The following ANKRD30BL variants were observed in gnomAD, a reference collection of about 807,000 sequenced individuals.
ANKRD30BL encodes ankyrin repeat domain 30B like, also known as putative ankyrin repeat domain-containing protein 30B-like.
In ANKRD30BL, 20 loss-of-function variants were observed where a neutral mutation model predicts 18.4. The ratio of observed to expected loss-of-function variants is 1.09; its 90% CI spans 0.77 to 1.58. The LOEUF (loss-of-function observed/expected upper bound fraction) is 1.58, where lower values mean the gene tolerates loss of function less well. Among genes scored for constraint, ANKRD30BL ranks in the 40% most tolerant of loss-of-function variants. ANKRD30BL has a pLI of 0.00. For missense variants in ANKRD30BL, 224 were observed against 268.6 expected (o/e 0.83, Z 1.16); for synonymous variants, 72 against 100.9 (o/e 0.71, Z 1.72).
chr2:132,165,097 A>C (rs183719520), upstream of ANKRD30BL, among the ~76,000 whole-genome samples: 1,021 of 152,096 alleles, frequency 6.7e-3, 12 homozygotes, highest in African/African-American at 0.023. Context: ...ACAAAAAAAA[A>C]CGCAAATGCA....
intron 1 of ANKRD30BL, 98 bp downstream of exon 1, chr2:132,161,390 C>T (rs1335977745): frequency 5.1e-6 from 6 of 1,186,570 alleles, no homozygotes; most frequent in Non-Finnish European, 7.1e-6. Flanking sequence ...TCCACCTGCT[C>T]CCCTCGTCCC....
intron 1 of ANKRD30BL, among the ~76,000 whole-genome samples, chr2:132,221,664 G>A (rs1462333164): frequency 8.4e-5 from 10 of 118,628 alleles, no homozygotes; most frequent in South Asian, 2.7e-4. Flanking sequence ...CCCCCCGCCC[G>A]GCCAGCCGCC....
At chr2:132,201,436 A>G (rs1057266103) in intron 1 of ANKRD30BL, among the ~76,000 whole-genome samples, 1 of 152,206 alleles carries the variant, frequency 6.6e-6, no homozygotes, top group African/African-American at 2.4e-5. Flanking sequence ...AATGAACTCA[A>G]ACAAATTTAC....
chr2:132,239,632 G>C (rs1680254824), intron 1 of ANKRD30BL, among the ~76,000 whole-genome samples: 1 of 151,658 alleles, frequency 6.6e-6, no homozygotes, highest in Admixed American at 6.6e-5. Context: ...TTAGAAACGG[G>C]ATTATCTTCA....
At chr2:132,172,583 T>C (rs575835007) in intron 1 of ANKRD30BL, among the ~76,000 whole-genome samples, 2 of 152,328 alleles carry the variant, frequency 1.3e-5, no homozygotes, top group African/African-American at 4.8e-5. Context: ...TTTATTATTG[T>C]TGTTGAGTTG....
chr2:132,195,788 CAAAAAAAAAAA>C (rs1205804103), intron 1 of ANKRD30BL, among the ~76,000 whole-genome samples: 6,785 of 49,024 alleles, frequency 0.14, 704 homozygotes, highest in African/African-American at 0.33. Context: ...GAGCCTCTGC[CAAAAAAAAAAA>C]AAAAAAAAAA....
intron 1 of ANKRD30BL, among the ~76,000 whole-genome samples, chr2:132,219,023 T>C (rs1291210904): frequency 1.3e-5 from 2 of 152,206 alleles, no homozygotes; most frequent in Non-Finnish European, 2.9e-5. Context: ...TTGTGCTGTG[T>C]GCATTCAACT....
chr2:132,193,252 G>C (rs1481930716), intron 1 of ANKRD30BL, among the ~76,000 whole-genome samples: 1 of 152,154 alleles, frequency 6.6e-6, no homozygotes, highest in Non-Finnish European at 1.5e-5. Flanking sequence ...CCACAGCCTG[G>C]ACTTTTATGT....
chr2:132,153,677 G>A, intron 4 of ANKRD30BL: 1 of 1,264,260 alleles, frequency 7.9e-7, no homozygotes, highest in Non-Finnish European at 1.1e-6. Context: ...ATGACATATG[G>A]CAAGCATGAG....
At chr2:132,221,951 G>A (rs550240948) in intron 1 of ANKRD30BL, among the ~76,000 whole-genome samples, 1,470 of 119,650 alleles carry the variant, frequency 0.012, 23 homozygotes, top group East Asian at 0.042. Flanking sequence ...CAGCCGCCCC[G>A]TCCGGGAGGT....
chr2:132,153,125 A>G (rs1188831975), intron 4 of ANKRD30BL, among the ~76,000 whole-genome samples: 1 of 152,200 alleles, frequency 6.6e-6, no homozygotes, highest in Non-Finnish European at 1.5e-5. Flanking sequence ...AATGGAAACA[A>G]CAAAATGAAG....
chr2:132,193,299 C>G (rs538745946), intron 1 of ANKRD30BL, among the ~76,000 whole-genome samples: 1 of 152,174 alleles, frequency 6.6e-6, no homozygotes, highest in Non-Finnish European at 1.5e-5. Context: ...CTCTGACTGT[C>G]TTACTTTTCA....
chr2:132,231,505 G>C (rs1680012635), intron 1 of ANKRD30BL, among the ~76,000 whole-genome samples: 1 of 152,220 alleles, frequency 6.6e-6, no homozygotes, highest in Non-Finnish European at 1.5e-5. Context: ...GCTGAAGCAG[G>C]GCGATGCATT....
At chr2:132,219,845 G>A (rs1433762101) in intron 1 of ANKRD30BL, among the ~76,000 whole-genome samples, 5 of 152,074 alleles carry the variant, frequency 3.3e-5, no homozygotes, top group African/African-American at 1.2e-4. Flanking sequence ...ACACTAGACA[G>A]AATTATTCTC....
At chr2:132,233,880 T>C (rs1374911062) in intron 1 of ANKRD30BL, among the ~76,000 whole-genome samples, 4 of 151,862 alleles carry the variant, frequency 2.6e-5, no homozygotes, top group Non-Finnish European at 5.9e-5. Flanking sequence ...CAACAGAATA[T>C]ACATTTTTTT....
chr2:132,218,704 CATA>C (rs1679581896), intron 1 of ANKRD30BL, among the ~76,000 whole-genome samples: 1 of 149,550 alleles, frequency 6.7e-6, no homozygotes. Context: ...CAGAGTTGAA[CATA>C]CCTTATCATA....
At chr2:132,211,686 G>A (rs1245976722) in intron 1 of ANKRD30BL, among the ~76,000 whole-genome samples, 1 of 151,842 alleles carries the variant, frequency 6.6e-6, no homozygotes, top group African/African-American at 2.4e-5. Context: ...TGTAGAATCT[G>A]CAAGTGGACA....
At position 132,148,040 on chromosome 2, in the gene ANKRD30BL, G is replaced by A. The variant is rs569232288; in HGVS notation, c.*91C>T. On this transcript the variant is annotated 3_prime_UTR_variant, in exon 6 of 6. Coordinates refer to ENST00000409867, the MANE Select transcript of ANKRD30BL (RefSeq NM_001358416.1). ...ACTGACATATTTGTTCTTTGATGAGGAACTCAGAACTCATTGTACTTAATC... is the reference window on the plus strand; with the variant it reads ...ACTGACATATTTGTTCTTTGATGAGAAACTCAGAACTCATTGTACTTAATC... 8.3e-5 allele frequency: 75 copies of A among 907,192 alleles called. No individual in the cohort carries two copies. In the Middle Eastern group the frequency reaches 2.3e-3, roughly 27 times the overall value. 56.2% of individuals were successfully genotyped at this position (907,192 alleles called of 1,614,324 possible). A position where few individuals can be genotyped will look rare whatever the true frequency, so the allele number is the denominator to read the frequency against.
intron 1 of ANKRD30BL, among the ~76,000 whole-genome samples, chr2:132,201,686 T>A (rs868715910): frequency 8.2e-4 from 125 of 152,326 alleles, no homozygotes; most frequent in African/African-American, 2.8e-3. Context: ...ACTTTTACAC[T>A]GTTGGTGGGA....
Sources: allele counts gnomAD v4.1 joint callset (sites outside exome capture counted in the v4.1 genomes callset), GRCh38; gene constraint gnomAD v4.1.1; transcripts MANE v1.5; gene names NCBI Gene and HGNC (gene_info 2026-07-23, HGNC 2026-07-21).